ATF6: variants seen among roughly 807,000 people sequenced by gnomAD.
The protein encoded by ATF6 is cyclic AMP-dependent transcription factor ATF-6 alpha.
ATF6 carries 53 observed loss-of-function variants against 83.6 expected under a neutral mutation model. That is an observed-to-expected ratio of 0.63 (90% confidence interval 0.51 to 0.80). The LOEUF (loss-of-function observed/expected upper bound fraction) is 0.80, where lower values mean the gene tolerates loss of function less well. Ranked by LOEUF, ATF6 falls within the 30% of genes least tolerant of loss-of-function variation. The pLI is 0.00. For missense variants in ATF6, 744 were observed against 797.9 expected (o/e 0.93, Z 0.81); for synonymous variants, 288 against 285.8 (o/e 1.01, Z -0.08).
chr1:161,917,691 A>T (rs1688128953), intron 15 of ATF6, among the ~76,000 whole-genome samples: 2 of 152,198 alleles, frequency 1.3e-5, no homozygotes, highest in African/African-American at 4.8e-5. Flanking sequence ...AAGTGCTGGG[A>T]TTACAGGCGT....
chr1:161,810,370 A>T (rs528946459), intron 7 of ATF6, among the ~76,000 whole-genome samples: 118 of 152,262 alleles, frequency 7.7e-4, no homozygotes, highest in African/African-American at 2.8e-3. Flanking sequence ...AAACAACCAG[A>T]TCTTATGAGA....
intron 15 of ATF6, among the ~76,000 whole-genome samples, chr1:161,952,508 C>T (rs1371980181): frequency 6.6e-6 from 1 of 152,068 alleles, no homozygotes; most frequent in African/African-American, 2.4e-5. Flanking sequence ...TCTTTATTTT[C>T]TGTATCCACC....
chr1:161,942,819 G>A (rs1266029472), intron 15 of ATF6, among the ~76,000 whole-genome samples: 1 of 152,026 alleles, frequency 6.6e-6, no homozygotes, highest in Non-Finnish European at 1.5e-5. Flanking sequence ...GATATGGTTT[G>A]GCTATGTCCT....
chr1:161,920,216 G>A (rs1688177616), intron 15 of ATF6, among the ~76,000 whole-genome samples: 1 of 149,510 alleles, frequency 6.7e-6, no homozygotes, highest in Non-Finnish European at 1.5e-5. Flanking sequence ...CCAGACAGTT[G>A]AATGGAGTCT....
intron 9 of ATF6, among the ~76,000 whole-genome samples, chr1:161,821,432 G>T (rs1246335608): frequency 6.6e-6 from 1 of 152,090 alleles, no homozygotes; most frequent in Non-Finnish European, 1.5e-5. Flanking sequence ...TGAGGTGAAG[G>T]TTCTTGTCGT....
At position 161,821,216 on chromosome 1, in the gene ATF6, T is replaced by A. The variant is rs576628666; in HGVS notation, c.1187+55T>A. The A allele has an allele frequency of 4.9e-6, 6 of 1,231,496 alleles. No homozygotes were observed. In the South Asian group the frequency reaches 8.0e-5, roughly 16 times the overall value. 76.3% of individuals were successfully genotyped at this position (1,231,496 alleles called of 1,614,324 possible). On this transcript the variant is annotated intron_variant, in intron 9 of 15. Coordinates refer to ENST00000367942, the MANE Select transcript of ATF6 (RefSeq NM_007348.4). Reference sequence around the variant, plus strand: ...TAATGCTAAAAACTTAAATTCTCATTATTCTTTAGCTTTTGTCATAAACTA... The same window carrying A: ...TAATGCTAAAAACTTAAATTCTCATAATTCTTTAGCTTTTGTCATAAACTA...
Position 161,958,851 on chromosome 1 carries a change from A to G in ATF6, c.*197A>G. 2 of 501,426 alleles carry G rather than the reference A, an allele frequency of 4.0e-6. No individual in the cohort carries two copies. The highest frequency in any genetic ancestry group is 3.7e-5 in the Admixed American group (1 of 26,710). The allele number at this position is 501,426 out of a possible 1,614,324, so 31.1% of individuals were successfully genotyped here. A position where few individuals can be genotyped will look rare whatever the true frequency, so the allele number is the denominator to read the frequency against. On this transcript the variant is annotated 3_prime_UTR_variant, in exon 16 of 16. Coordinates refer to ENST00000367942, the MANE Select transcript of ATF6 (RefSeq NM_007348.4). Reference sequence around the variant, plus strand: ...ATCTATTTGGAAAGCACTGGAATTCAGATGCAAGAGAACAATGTTTCTTCA... The same window carrying G: ...ATCTATTTGGAAAGCACTGGAATTCGGATGCAAGAGAACAATGTTTCTTCA...
chr1:161,810,881 G>A (rs1312888035), intron 7 of ATF6, among the ~76,000 whole-genome samples: 4 of 151,982 alleles, frequency 2.6e-5, no homozygotes, highest in Non-Finnish European at 4.4e-5. Context: ...TGTGTATGGC[G>A]TCTTTCACTT....
chr1:161,851,114 A>G (rs3767635), intron 10 of ATF6, among the ~76,000 whole-genome samples: 34,206 of 148,902 alleles, frequency 0.23, 5,178 homozygotes, highest in South Asian at 0.36. Flanking sequence ...CCTGCCAAGC[A>G]TTTTATGTCT....
chr1:161,771,185 TATTCTGC>T (rs1386114878), intron 1 of ATF6, among the ~76,000 whole-genome samples: 1 of 152,208 alleles, frequency 6.6e-6, no homozygotes, highest in Admixed American at 6.5e-5. Context: ...AAAGCTGCTT[TATTCTGC>T]TTTCTTCTTT....
chr1:161,808,132 G>T (rs765249816), intron 7 of ATF6, among the ~76,000 whole-genome samples: 3 of 151,758 alleles, frequency 2.0e-5, no homozygotes, highest in Non-Finnish European at 4.4e-5. Flanking sequence ...CACCTGCCTC[G>T]GCCTCCCAAA....
intron 5 of ATF6, 108 bp from the exon 6 acceptor site, chr1:161,792,016 A>C: frequency 2.2e-6 from 2 of 925,156 alleles, no homozygotes; most frequent in South Asian, 1.5e-5. Context: ...AAAGATTGTT[A>C]ATCGAAGTTA....
At chr1:161,824,867 T>C (rs887302212) in intron 9 of ATF6, among the ~76,000 whole-genome samples, 2 of 152,176 alleles carry the variant, frequency 1.3e-5, no homozygotes, top group Admixed American at 6.5e-5. Context: ...TACAGTCTAG[T>C]AAGAGAATCA....
chr1:161,797,042 T>G (rs534256510), intron 6 of ATF6, among the ~76,000 whole-genome samples: 1 of 152,312 alleles, frequency 6.6e-6, no homozygotes, highest in East Asian at 1.9e-4. Context: ...TGTTTCTAAT[T>G]TTTATTTGCG....
chr1:161,880,965 C>G (rs1018741285), intron 14 of ATF6, among the ~76,000 whole-genome samples: 3 of 152,058 alleles, frequency 2.0e-5, no homozygotes, highest in Non-Finnish European at 4.4e-5. Flanking sequence ...AGTGGTATCT[C>G]ATTGTGGTTT....
At chr1:161,936,744 A>T (rs1466917812) in intron 15 of ATF6, among the ~76,000 whole-genome samples, 1 of 152,068 alleles carries the variant, frequency 6.6e-6, no homozygotes, top group Non-Finnish European at 1.5e-5. Flanking sequence ...ATACCTCCAA[A>T]CCCACTCTAA....
At chr1:161,938,442 A>G (rs1211490164) in intron 15 of ATF6, among the ~76,000 whole-genome samples, 1 of 152,236 alleles carries the variant, frequency 6.6e-6, no homozygotes, top group Non-Finnish European at 1.5e-5. Context: ...AGTATCTGAG[A>G]TAGCCCTTTG....
At chr1:161,780,868 C>G (rs1318045662) in intron 2 of ATF6, among the ~76,000 whole-genome samples, 1 of 152,046 alleles carries the variant, frequency 6.6e-6, no homozygotes, top group Non-Finnish European at 1.5e-5. Context: ...CGCCACTATG[C>G]CCAGCTAGTG....
intron 6 of ATF6, among the ~76,000 whole-genome samples, chr1:161,800,141 T>C (rs1420861998): frequency 6.6e-6 from 1 of 152,128 alleles, no homozygotes; most frequent in Non-Finnish European, 1.5e-5. Context: ...GTTGTATAAG[T>C]CTTTAGGTTA....
Sources: gnomAD v4.1 joint callset for allele counts (sites outside exome capture counted in the v4.1 genomes callset) on GRCh38, gnomAD v4.1.1 for gene constraint, MANE v1.5 for transcripts, NCBI Gene and HGNC (gene_info 2026-07-23, HGNC 2026-07-21) for gene names.